RARB: variants seen among roughly 807,000 people sequenced by gnomAD.
The protein encoded by RARB is HBV-activated protein.
In RARB, 17 loss-of-function variants were observed where a neutral mutation model predicts 51.9. The ratio of observed to expected loss-of-function variants is 0.33; its 90% CI spans 0.22 to 0.49. The LOEUF is 0.49. Ranked by LOEUF, RARB falls within the 20% of genes least tolerant of loss-of-function variation. The pLI is 0.99. For synonymous variants in RARB, 215 were observed against 195.4 expected, an observed-to-expected ratio of 1.10 and a Z score of -0.84; for missense variants, 369 against 550.8, an observed-to-expected ratio of 0.67 and a Z score of 3.30.
At chr3:25,338,059 A>G (rs1378529455) in intron 5 of RARB, among the ~76,000 whole-genome samples, 1 of 150,958 alleles carries the variant, frequency 6.6e-6, no homozygotes, top group Non-Finnish European at 1.5e-5. Flanking sequence ...GTTATTGAGC[A>G]TTGAAGCATG....
intron 2 of RARB, among the ~76,000 whole-genome samples, chr3:25,003,053 G>A (rs111341425): frequency 4.0e-4 from 61 of 151,938 alleles, no homozygotes; most frequent in African/African-American, 1.3e-3. Flanking sequence ...TTGAATATTC[G>A]GTCACTTCTG....
chr3:24,996,645 T>C (rs1697046451), intron 2 of RARB, among the ~76,000 whole-genome samples: 1 of 151,082 alleles, frequency 6.6e-6, no homozygotes, highest in Non-Finnish European at 1.5e-5. Context: ...TTTCAGTATG[T>C]TGTGCTTCTA....
intron 3 of RARB, among the ~76,000 whole-genome samples, chr3:25,132,123 G>A (rs187152235): frequency 2.0e-5 from 3 of 151,948 alleles, no homozygotes; most frequent in Non-Finnish European, 2.9e-5. Context: ...GAACCTAAGC[G>A]ATGATCTAAT....
chr3:25,391,011 C>T (rs1443601229), intron 5 of RARB, among the ~76,000 whole-genome samples: 2 of 152,136 alleles, frequency 1.3e-5, no homozygotes, highest in Non-Finnish European at 2.9e-5. Flanking sequence ...AAGCAGTGCA[C>T]ACTGTTCGCA....
At chr3:25,144,994 C>T (rs1168952964) in intron 4 of RARB, among the ~76,000 whole-genome samples, 2 of 152,126 alleles carry the variant, frequency 1.3e-5, no homozygotes, top group East Asian at 1.9e-4. Context: ...GAGAAAGACA[C>T]AGACCTGTTC....
At chr3:25,090,002 T>A (rs533214268) in intron 3 of RARB, among the ~76,000 whole-genome samples, 387 of 152,262 alleles carry the variant, frequency 2.5e-3, no homozygotes, top group African/African-American at 9.1e-3. Context: ...TATCCAGGTC[T>A]ACTGGTGTAA....
At chr3:25,088,043 A>G (rs986143760) in intron 3 of RARB, among the ~76,000 whole-genome samples, 14 of 152,018 alleles carry the variant, frequency 9.2e-5, no homozygotes, top group African/African-American at 2.9e-4. Flanking sequence ...AAAGGACAGC[A>G]GTTTTGCTAG....
chr3:25,162,430 A>G (rs907102861), intron 4 of RARB, among the ~76,000 whole-genome samples: 6 of 152,236 alleles, frequency 3.9e-5, no homozygotes, highest in Non-Finnish European at 7.3e-5. Context: ...TTATCAAGAT[A>G]TAATTCAAAC....
At chr3:24,929,757 C>A (rs1336369662) in intron 2 of RARB, among the ~76,000 whole-genome samples, 2 of 152,016 alleles carry the variant, frequency 1.3e-5, no homozygotes, top group African/African-American at 4.8e-5. Context: ...GCAGAGATTC[C>A]CAGCTGTTGT....
At chr3:24,978,200 G>A (rs1188724207) in intron 2 of RARB, among the ~76,000 whole-genome samples, 1 of 151,196 alleles carries the variant, frequency 6.6e-6, no homozygotes, top group Non-Finnish European at 1.5e-5. Flanking sequence ...AGGGATATTG[G>A]CCTAAGATTC....
At chr3:25,065,278 C>G (rs1170461562) in intron 3 of RARB, among the ~76,000 whole-genome samples, 1 of 152,108 alleles carries the variant, frequency 6.6e-6, no homozygotes, top group Non-Finnish European at 1.5e-5. Context: ...AGAAATATCA[C>G]TATGTCACTT....
At chr3:25,170,478 C>G (rs922557451) in intron 4 of RARB, among the ~76,000 whole-genome samples, 1 of 152,132 alleles carries the variant, frequency 6.6e-6, no homozygotes, top group African/African-American at 2.4e-5. Context: ...CATTTTTAAC[C>G]AGTTTGCTGG....
At chr3:25,222,139 C>A (rs1376287609) in intron 5 of RARB, among the ~76,000 whole-genome samples, 1 of 152,116 alleles carries the variant, frequency 6.6e-6, no homozygotes, top group African/African-American at 2.4e-5. Context: ...GGGTAAATCC[C>A]ACTAATAAGG....
intron 5 of RARB, among the ~76,000 whole-genome samples, chr3:25,278,861 G>A (rs969384302): frequency 6.6e-6 from 1 of 152,156 alleles, no homozygotes; most frequent in African/African-American, 2.4e-5. Flanking sequence ...GATTTGGGGA[G>A]CTCTTGAGGT....
chr3:24,879,918 G>A lies in RARB; in HGVS notation c.-380+21166G>A, dbSNP rs183123832. ...ATTTATTCAGGGAGTTTTGTCCTGC[G>A]TGAATCCCATCTTGCAAAGTTCTTG... is the stretch of plus-strand genomic sequence containing the variant. On this transcript the variant is annotated intron_variant, in intron 2 of 11. Transcript: ENST00000383772. Among the ~76,000 whole-genome samples, 88 of 151,468 alleles carry A rather than the reference G, an allele frequency of 5.8e-4. 1 individual carries two copies. Among genetic ancestry groups the A allele is most frequent in the Admixed American group, 2.4e-3 (37 of 15,226 alleles).
chr3:24,981,232 C>G (rs1183494384), intron 2 of RARB, among the ~76,000 whole-genome samples: 1 of 152,182 alleles, frequency 6.6e-6, no homozygotes, highest in East Asian at 1.9e-4. Flanking sequence ...AGTCAGGGAC[C>G]CACTTGAGGA....
intron 5 of RARB, among the ~76,000 whole-genome samples, chr3:25,416,663 C>T (rs1015267147): frequency 7.2e-5 from 11 of 152,188 alleles, no homozygotes; most frequent in African/African-American, 2.7e-4. Flanking sequence ...AATATGTAAA[C>T]AAATTAATGT....
intron 3 of RARB, among the ~76,000 whole-genome samples, chr3:25,514,141 G>A (rs2125624286): frequency 6.6e-6 from 1 of 152,294 alleles, no homozygotes; most frequent in African/African-American, 2.4e-5. Flanking sequence ...CCTTCTCCCA[G>A]TGACAGCAAT....
intron 5 of RARB, among the ~76,000 whole-genome samples, chr3:25,214,338 G>T (rs1701768818): frequency 6.6e-6 from 1 of 152,164 alleles, no homozygotes; most frequent in Non-Finnish European, 1.5e-5. Context: ...CTACCAATAA[G>T]ATCTTGCCTG....
Sources: allele counts gnomAD v4.1 joint callset (sites outside exome capture counted in the v4.1 genomes callset), GRCh38; gene constraint gnomAD v4.1.1; transcripts MANE v1.5; gene names NCBI Gene and HGNC (gene_info 2026-07-23, HGNC 2026-07-21).